Variants in DRICH1 observed in about 807,000 individuals in gnomAD.
DRICH1 encodes aspartate-rich protein 1.
DRICH1 carries 38 observed loss-of-function variants against 39.5 expected under a neutral mutation model. That is an observed-to-expected ratio of 0.96 (90% confidence interval 0.74 to 1.26). The LOEUF is 1.26. Ranked by LOEUF, DRICH1 falls within the 50% of genes most tolerant of loss-of-function variation. The probability of loss-of-function intolerance (pLI) is 0.00; values close to 1 mark genes in which losing one functional copy is unlikely to be tolerated. For synonymous variants in DRICH1, 84 were observed against 99.5 expected, an observed-to-expected ratio of 0.84 and a Z score of 0.93; for missense variants, 279 against 270.4, an observed-to-expected ratio of 1.03 and a Z score of -0.22.
chr22:23,627,027 CTG>C (rs1214669257), intron 1 of DRICH1, among the ~76,000 whole-genome samples: 1 of 151,280 alleles, frequency 6.6e-6, no homozygotes, highest in Non-Finnish European at 1.5e-5. Context: ...TAACATAAGG[CTG>C]ATGGGCCATT....
the DRICH1 span, among the ~76,000 whole-genome samples, chr22:23,598,701 T>C: frequency 6.6e-6 from 1 of 152,204 alleles, no homozygotes; most frequent in Non-Finnish European, 1.5e-5. Context: ...TGAGGCCTCT[T>C]TTCTGCATCC....
chr22:23,600,098 A>AAGTTACT, the DRICH1 span, among the ~76,000 whole-genome samples: 1 of 152,202 alleles, frequency 6.6e-6, no homozygotes. Context: ...GTAACTGTCC[A>AAGTTACT]GTCTGAAGTC....
intron 6 of DRICH1, among the ~76,000 whole-genome samples, chr22:23,618,998 C>G (rs1927547380): frequency 6.6e-6 from 1 of 151,628 alleles, no homozygotes; most frequent in African/African-American, 2.4e-5. Context: ...ATGGTAAAAC[C>G]ACGTCTCTAC....
chr22:23,615,825 T>C (rs768151440), intron 8 of DRICH1, among the ~76,000 whole-genome samples: 1 of 152,194 alleles, frequency 6.6e-6, no homozygotes, highest in African/African-American at 2.4e-5. Flanking sequence ...TTCACAGATA[T>C]AGAGAGCCAA....
chr22:23,620,610 T>A lies in DRICH1; in HGVS notation c.390A>T (p.Leu130Phe). 6.2e-7 allele frequency: 1 copy of A among 1,613,986 alleles called. No homozygotes were observed. Among genetic ancestry groups the A allele is most frequent in the African/African-American group, 1.3e-5 (1 of 75,030 alleles). ...DDDDDDDAQI[L>F]PSRVQGGCYR... ...GGTACATACCCTGGACACGTGACGG[T>A]AAAATCTGCAACGAGACAAAAGAAG... Residue 130 changes from leucine (L) to phenylalanine (F), a missense_variant, in exon 5 of 12, where the codon TTA (leucine) becomes TTT (phenylalanine). Coordinates refer to ENST00000317749, the MANE Select transcript of DRICH1 (RefSeq NM_016449.4).
At chr22:23,606,061 AT>A (rs964462828), downstream of DRICH1, among the ~76,000 whole-genome samples, 70 of 146,806 alleles carry the variant, frequency 4.8e-4, 1 homozygote, top group Middle Eastern at 7.3e-3. Context: ...AAAAAAAAAA[AT>A]TTTTTTTTTT....
chr22:23,619,711 G>A (rs1254714217), intron 5 of DRICH1, among the ~76,000 whole-genome samples: 2 of 151,622 alleles, frequency 1.3e-5, no homozygotes, highest in Non-Finnish European at 2.9e-5. Context: ...TGAAAAAACA[G>A]AATGCTGATA....
intron 8 of DRICH1, 82 bp downstream of exon 8, chr22:23,616,771 A>G (rs374860508): frequency 9.3e-5 from 145 of 1,558,690 alleles, no homozygotes; most frequent in Non-Finnish European, 1.1e-5. Flanking sequence ...AATATTTTTT[A>G]ACAGGAACCC....
intron 3 of DRICH1, 92 bp from the exon 4 acceptor site, chr22:23,622,268 T>C: frequency 6.2e-6 from 7 of 1,136,536 alleles, no homozygotes; most frequent in East Asian, 4.7e-5. Context: ...ATGGAGGTGG[T>C]TGATTAACAA....
At chr22:23,582,555 C>CTT in the DRICH1 span, among the ~76,000 whole-genome samples, 19 of 143,870 alleles carry the variant, frequency 1.3e-4, no homozygotes, top group East Asian at 1.2e-3. Flanking sequence ...CCTTCAGGGG[C>CTT]TTATTATTAT....
chr22:23,613,736 A>T, intron 9 of DRICH1, 76 bp from the exon 10 acceptor site: 1 of 1,163,222 alleles, frequency 8.6e-7, no homozygotes, highest in Non-Finnish European at 1.3e-6. Context: ...TATTCTCTGG[A>T]CAACGATAAA....
intron 3 of DRICH1, among the ~76,000 whole-genome samples, chr22:23,624,633 G>C (rs1171086794): frequency 6.6e-6 from 1 of 151,994 alleles, no homozygotes; most frequent in African/African-American, 2.4e-5. Flanking sequence ...ACCAACATCA[G>C]GATAAGTCAG....
chr22:23,599,802 C>T, the DRICH1 span, among the ~76,000 whole-genome samples: 1 of 152,324 alleles, frequency 6.6e-6, no homozygotes. Flanking sequence ...TGCCCCTCAT[C>T]GTCTTCACAG....
the DRICH1 span, among the ~76,000 whole-genome samples, chr22:23,601,597 A>G: frequency 1.3e-5 from 2 of 152,134 alleles, no homozygotes; most frequent in African/African-American, 4.8e-5. Flanking sequence ...TGAAAGGGCA[A>G]CATGAGGGAT....
At chr22:23,600,874 G>A in the DRICH1 span, among the ~76,000 whole-genome samples, 3 of 151,826 alleles carry the variant, frequency 2.0e-5, no homozygotes, top group East Asian at 5.8e-4. Flanking sequence ...GGGTTTCACC[G>A]TGTTAGCCAG....
intron 2 of DRICH1, among the ~76,000 whole-genome samples, chr22:23,625,432 T>A (rs2123791563): frequency 6.6e-6 from 1 of 152,272 alleles, no homozygotes; most frequent in South Asian, 2.1e-4. Context: ...AAATAGGATA[T>A]GCTGGGCTCC....
chr22:23,600,742 G>A, the DRICH1 span, among the ~76,000 whole-genome samples: 4 of 149,310 alleles, frequency 2.7e-5, no homozygotes, highest in Middle Eastern at 3.5e-3. Flanking sequence ...GTGCGATCTC[G>A]GCCCACTGCA....
At chr22:23,590,970 A>T in the DRICH1 span, among the ~76,000 whole-genome samples, 1 of 152,182 alleles carries the variant, frequency 6.6e-6, no homozygotes, top group African/African-American at 2.4e-5. Flanking sequence ...TTTGTTCCAT[A>T]TCTGCTTGAA....
upstream of DRICH1, chr22:23,632,677 C>G (rs4997837): frequency 0.42 from 62,553 of 149,784 alleles, 14,423 homozygotes; most frequent in African/African-American, 0.63. Flanking sequence ...GGAGGCTGAG[C>G]GGGGGGGGTG....
Sources: allele counts gnomAD v4.1 joint callset (sites outside exome capture counted in the v4.1 genomes callset), GRCh38; gene constraint gnomAD v4.1.1; transcripts MANE v1.5; gene names NCBI Gene and HGNC (gene_info 2026-07-23, HGNC 2026-07-21).